MTMR3: variants seen among roughly 807,000 people sequenced by gnomAD.
The protein encoded by MTMR3 is myotubularin related protein 3.
In MTMR3, 32 loss-of-function variants were observed where a neutral mutation model predicts 132.4. The ratio of observed to expected loss-of-function variants is 0.24; its 90% CI spans 0.18 to 0.32. MTMR3 has a LOEUF of 0.32. Among genes scored for constraint, MTMR3 ranks in the 10% least tolerant of loss-of-function variants. The pLI, the probability that MTMR3 is intolerant of heterozygous loss-of-function variation, is 1.00. For synonymous variants in MTMR3, 556 were observed against 550.3 expected (o/e 1.01, Z -0.14); for missense variants, 1,216 against 1,489.6 (o/e 0.82, Z 3.02).
chr22:29,930,833 C>G (rs1285814017), intron 1 of MTMR3, among the ~76,000 whole-genome samples: 2 of 151,950 alleles, frequency 1.3e-5, no homozygotes, highest in Non-Finnish European at 2.9e-5. Flanking sequence ...AGACCTGTCT[C>G]TACAAAAATA....
At chr22:29,950,597 C>T (rs1032130727) in intron 1 of MTMR3, among the ~76,000 whole-genome samples, 5 of 152,214 alleles carry the variant, frequency 3.3e-5, no homozygotes, top group Middle Eastern at 3.4e-3. Context: ...CTCCTCACCG[C>T]GTGATCTGCC....
intron 1 of MTMR3, among the ~76,000 whole-genome samples, chr22:29,897,976 T>G (rs1297888331): frequency 1.3e-5 from 2 of 152,064 alleles, no homozygotes; most frequent in Admixed American, 1.3e-4. Context: ...TATATGTGTA[T>G]TATTATTATT....
At chr22:29,921,024 G>A (rs1226977819) in intron 1 of MTMR3, among the ~76,000 whole-genome samples, 1 of 152,040 alleles carries the variant, frequency 6.6e-6, no homozygotes, top group East Asian at 1.9e-4. Flanking sequence ...ACAGTATCTT[G>A]ATGGACATCC....
intron 16 of MTMR3, chr22:30,019,250 T>G (rs1477888022): frequency 2.0e-6 from 1 of 488,510 alleles, no homozygotes; most frequent in Non-Finnish European, 3.6e-6. Context: ...CTCATTTGTA[T>G]GTATGGGGCA....
Position 29,969,600 on chromosome 22 carries a change from G to A in MTMR3, c.-84-1376G>A, listed in dbSNP as rs760062366. ...GCTGGATGTGCAATGGCGTGATCTC[G>A]GCTCACTGCAACCTCTGCCTCCCAG... On this transcript the variant is annotated intron_variant, in intron 2 of 19. Transcript: ENST00000401950. Among the ~76,000 whole-genome samples, 8 of 151,598 alleles carry A rather than the reference G, an allele frequency of 5.3e-5. 1 individual carries two copies. Among genetic ancestry groups the A allele is most frequent in the Admixed American group, 4.6e-4 (7 of 15,192 alleles).
intron 1 of MTMR3, among the ~76,000 whole-genome samples, chr22:29,883,733 G>A (rs913054367): frequency 1.3e-5 from 2 of 152,192 alleles, no homozygotes; most frequent in African/African-American, 4.8e-5. Context: ...CCCGGGAGGT[G>A]GGTGTGCGCC....
At chr22:29,954,734 C>G (rs1160395668) in intron 1 of MTMR3, among the ~76,000 whole-genome samples, 2 of 152,182 alleles carry the variant, frequency 1.3e-5, no homozygotes, top group Non-Finnish European at 2.9e-5. Flanking sequence ...TGAATTAAAT[C>G]TAGCACCATC....
chr22:29,906,914 C>T (rs1479872013), intron 1 of MTMR3, among the ~76,000 whole-genome samples: 1 of 151,814 alleles, frequency 6.6e-6, no homozygotes, highest in Admixed American at 6.6e-5. Flanking sequence ...CCCGTCTCTA[C>T]TAAAAACACA....
At chr22:30,015,460 G>C (rs1044890005) in intron 14 of MTMR3, 1 of 151,286 alleles carries the variant, frequency 6.6e-6, no homozygotes, top group South Asian at 2.1e-4. Flanking sequence ...CTTTTGTTTG[G>C]GGCAAAATTC....
In MTMR3 at chr22:30,027,475, G is replaced by C. The variant is rs1051806720; in HGVS notation, c.*1674G>C. ...CCAGTGGCAACACAGTTTGAACGTG[G>C]TGAAACAGGGTGTAGTTCTTTTCCA... is the stretch of plus-strand genomic sequence containing the variant. On this transcript the variant is annotated 3_prime_UTR_variant, in exon 20 of 20. Transcript: ENST00000401950. 6.5e-6 allele frequency: 1 copy of C among 152,810 alleles called. No individual in the cohort carries two copies. The highest frequency in any genetic ancestry group is 1.5e-5 in the Non-Finnish European group (1 of 68,056). The allele number at this position is 152,810 out of a possible 1,614,324, so 9.5% of individuals were successfully genotyped here.
chr22:30,018,324 A>G, intron 16 of MTMR3: 1 of 408,688 alleles, frequency 2.4e-6, no homozygotes, highest in Non-Finnish European at 4.3e-6. Flanking sequence ...TCAGTGATAG[A>G]GCAAATCCTC....
At chr22:29,906,262 GT>G (rs1385807903) in intron 1 of MTMR3, among the ~76,000 whole-genome samples, 3 of 88,552 alleles carry the variant, frequency 3.4e-5, no homozygotes, top group African/African-American at 1.7e-4. Context: ...CTGTCTGTCT[GT>G]CTGTCTGTCT....
chr22:29,973,507 T>C (rs1353133939), intron 3 of MTMR3, among the ~76,000 whole-genome samples: 2 of 152,230 alleles, frequency 1.3e-5, no homozygotes, highest in Non-Finnish European at 2.9e-5. Flanking sequence ...GTAGGACTGA[T>C]AATTATTTTC....
chr22:29,915,121 A>G lies in MTMR3; in HGVS notation c.-138+31762A>G, dbSNP rs532353428. On this transcript the variant is annotated intron_variant, in intron 1 of 19. Transcript: ENST00000401950. ...GAAAAGACAAATATTTGGTTCTACC[A>G]GTTCTGTCTCATATATTTTGAAGTT... is the stretch of plus-strand genomic sequence containing the variant. 3.3e-5 allele frequency among the ~76,000 whole-genome samples: 5 copies of G among 152,256 alleles called. No homozygotes were observed. The East Asian group carries it at 5.8e-4, about 18-fold the overall frequency.
At chr22:29,965,736 G>GTA (rs748002481) in intron 2 of MTMR3, among the ~76,000 whole-genome samples, 45 of 151,996 alleles carry the variant, frequency 3.0e-4, no homozygotes, top group Admixed American at 1.2e-3. Context: ...GATAGCTTAT[G>GTA]TATATATATA....
In MTMR3 at chr22:30,025,926, A is replaced by C; in HGVS notation, c.*125A>C. On this transcript the variant is annotated 3_prime_UTR_variant, in exon 20 of 20. Transcript: ENST00000401950. The stretch of plus-strand genomic sequence containing the variant: ...CGTGGAACCACCTGTACAGAGTGAC[A>C]GATTTGGGATGCACCACTGGATTGT... 5.2e-6 allele frequency: 5 copies of C among 960,746 alleles called. No individual in the cohort carries two copies. In the South Asian group the frequency reaches 7.6e-5, roughly 15 times the overall value. The allele number at this position is 960,746 out of a possible 1,614,324, so 59.5% of individuals were successfully genotyped here.
intron 1 of MTMR3, among the ~76,000 whole-genome samples, chr22:29,933,934 T>C (rs1458228141): frequency 1.3e-5 from 2 of 152,196 alleles, no homozygotes; most frequent in Non-Finnish European, 2.9e-5. Flanking sequence ...CTTGTGGTTG[T>C]CCAGCCATAC....
chr22:30,022,245 C>A, intron 18 of MTMR3, 106 bp downstream of exon 18: 2 of 847,660 alleles, frequency 2.4e-6, no homozygotes, highest in Non-Finnish European at 1.9e-6. Context: ...CACCTCCCAG[C>A]ACAGCTAGCC....
intron 3 of MTMR3, among the ~76,000 whole-genome samples, chr22:29,974,853 G>A (rs1171983232): frequency 6.6e-6 from 1 of 152,148 alleles, no homozygotes; most frequent in Admixed American, 6.5e-5. Flanking sequence ...TATGTTAAAA[G>A]TATACTTTTA....
Sources: allele counts gnomAD v4.1 joint callset (sites outside exome capture counted in the v4.1 genomes callset), GRCh38; gene constraint gnomAD v4.1.1; transcripts MANE v1.5; gene names NCBI Gene and HGNC (gene_info 2026-07-23, HGNC 2026-07-21).